Variants in AURKAIP1 observed in about 807,000 individuals in gnomAD.
The protein encoded by AURKAIP1 is small ribosomal subunit protein bS22, mitochondrial.
AURKAIP1 carries 20 observed loss-of-function variants against 18.4 expected under a neutral mutation model. That is an observed-to-expected ratio of 1.09 (90% CI 0.77 to 1.58). The LOEUF is 1.58. Among genes scored for constraint, AURKAIP1 ranks in the 40% most tolerant of loss-of-function variants. The probability of loss-of-function intolerance (pLI) is 0.00; values close to 1 mark genes in which losing one functional copy is unlikely to be tolerated. For synonymous variants in AURKAIP1, 156 were observed against 120.8 expected, an observed-to-expected ratio of 1.29 and a Z score of -1.91; for missense variants, 319 against 270.7, an observed-to-expected ratio of 1.18 and a Z score of -1.25.
Position 1,374,739 on chromosome 1 carries a change from C to A in AURKAIP1, c.18G>T (p.Leu6=). The A allele has an allele frequency of 6.4e-7, 1 of 1,560,256 alleles. No homozygotes were observed. The highest frequency in any genetic ancestry group is 1.2e-5 in the South Asian group (1 of 84,732). ...GAACGGCCCTCAACAGCTGGGAAGTCAGGCGCCCCAGGAGCATGGTCTGTG... is the reference window on the plus strand; with the variant it reads ...GAACGGCCCTCAACAGCTGGGAAGTAAGGCGCCCCAGGAGCATGGTCTGTG... MLLGR[L]TSQLLRAVPW... The change falls in exon 2 of 4, where the codon CTG becomes CTT. Residue 6 remains leucine, a synonymous_variant. Transcript: ENST00000338338.
intron 3 of AURKAIP1, 26 bp from the exon 4 acceptor site, chr1:1,373,928 C>A: frequency 6.2e-7 from 1 of 1,609,080 alleles, no homozygotes; most frequent in Admixed American, 1.7e-5. Context: ...AGAGGGACCG[C>A]CAAGTAATTC....
In AURKAIP1 at chr1:1,374,885, C is replaced by T; in HGVS notation, c.-34-95G>A. On this transcript the variant is annotated intron_variant, in intron 1 of 3. Coordinates refer to ENST00000338338, the MANE Select transcript of AURKAIP1 (RefSeq NM_017900.3). ...GCGTCTGGTCCCGCCGCGACCCTCG[C>T]TTCCCTTCTCCCTCCGCCACCCCAA... 4 of 803,062 alleles carry T rather than the reference C, an allele frequency of 5.0e-6. No individual in the cohort carries two copies. The South Asian group carries it at 7.5e-5, about 15-fold the overall frequency. 49.7% of individuals were successfully genotyped at this position (803,062 alleles called of 1,614,324 possible). A position where few individuals can be genotyped will look rare whatever the true frequency, so the allele number is the denominator to read the frequency against.
Position 1,374,771 on chromosome 1 carries a change from G to A in AURKAIP1, c.-15C>T, listed in dbSNP as rs1326887573. 4 of 1,553,646 alleles carry A rather than the reference G, an allele frequency of 2.6e-6. No homozygotes were observed. Among genetic ancestry groups the A allele is most frequent in the African/African-American group, 2.7e-5 (2 of 73,096 alleles). On this transcript the variant is annotated 5_prime_UTR_variant, in exon 2 of 4. Coordinates refer to ENST00000338338, the MANE Select transcript of AURKAIP1 (RefSeq NM_017900.3). ...CCCAGGAGCATGGTCTGTGGGCGGC[G>A]GCCACAGGTCCCAGGGGAGCTGGAA...
chr1:1,375,028 C>G (rs1644335284), intron 1 of AURKAIP1, 126 bp downstream of exon 1: 1 of 404,148 alleles, frequency 2.5e-6, no homozygotes, highest in Non-Finnish European at 4.5e-6. Context: ...GGCCGGCCCC[C>G]TCCCCGGGTT....
In AURKAIP1 at chr1:1,374,789, A is replaced by C. The variant is rs1262521184; in HGVS notation, c.-33T>G. On this transcript the variant is annotated splice_region_variant and 5_prime_UTR_variant, in exon 2 of 4. Transcript: ENST00000338338. Reference sequence around the variant, plus strand: ...GGGCGGCGGCCACAGGTCCCAGGGGAGCTGGAACACAAGTGCCCGTTCAGG... The same window carrying C: ...GGGCGGCGGCCACAGGTCCCAGGGGCGCTGGAACACAAGTGCCCGTTCAGG... 6.5e-7 allele frequency: 1 copy of C among 1,547,522 alleles called. No homozygotes were observed. The highest frequency in any genetic ancestry group is 8.7e-7 in the Non-Finnish European group (1 of 1,145,502).
rs1644337608 is a variant in AURKAIP1, at chr1:1,375,201, C to T, written c.-82G>A. The T allele has an allele frequency of 6.3e-6, 1 of 159,090 alleles. No individual in the cohort carries two copies. Among genetic ancestry groups the T allele is most frequent in the South Asian group, 1.5e-4 (1 of 6,608 alleles). 9.9% of individuals were successfully genotyped at this position (159,090 alleles called of 1,614,324 possible). ...GTTCTGCGGCCGCCCTCGGGCACTTCCGGTCCGTCCCCAAGTCGGCCCCGA... is the reference window on the plus strand; with the variant it reads ...GTTCTGCGGCCGCCCTCGGGCACTTTCGGTCCGTCCCCAAGTCGGCCCCGA... On this transcript the variant is annotated 5_prime_UTR_variant, in exon 1 of 4. Transcript: ENST00000338338.
intron 2 of AURKAIP1, 37 bp downstream of exon 2, chr1:1,374,668 T>C: frequency 6.5e-7 from 1 of 1,545,892 alleles, no homozygotes; most frequent in Non-Finnish European, 8.8e-7. Flanking sequence ...CCTAACCAGG[T>C]GTGCATCCTC....
rs768888780 is a variant in AURKAIP1 at position 1,373,843 on chromosome 1, G to A, written c.558C>T (p.Pro186=). Residue 186 remains proline, a synonymous_variant, in exon 4 of 4, where the codon CCC becomes CCT. Coordinates refer to ENST00000338338, the MANE Select transcript of AURKAIP1 (RefSeq NM_017900.3). The stretch of plus-strand genomic sequence containing the variant: ...AGATCTTGGGGGTCTGCCAGCCTTC[G>A]GGGGCTTCCTTTAGCCCCGCCTTCA... ...IWLKAGLKEA[P]EGWQTPKIYL... is the part of the protein sequence containing the mutation. 15 of 1,602,372 alleles carry A rather than the reference G, an allele frequency of 9.4e-6. No individual in the cohort carries two copies. Among genetic ancestry groups the A allele is most frequent in the Admixed American group, 6.7e-5 (4 of 59,726 alleles).
chr1:1,374,989 G>T (rs934649083), intron 1 of AURKAIP1, 165 bp downstream of exon 1: 2 of 496,406 alleles, frequency 4.0e-6, no homozygotes, highest in Non-Finnish European at 7.1e-6. Context: ...TGTCGCGCTC[G>T]GACGCACCGA....
In AURKAIP1 at chr1:1,374,017, G is replaced by A. The variant is rs1473867154; in HGVS notation, c.481C>T (p.Arg161Cys). 6 of 1,608,528 alleles carry A rather than the reference G, an allele frequency of 3.7e-6. No homozygotes were observed. The highest frequency in any genetic ancestry group is 2.2e-5 in the East Asian group (1 of 44,844). Residue 161 changes from arginine to cysteine, a missense_variant, in exon 3 of 4, where the codon CGC becomes TGC. Arg to Cys is a radical substitution (Grantham distance 180). Coordinates refer to ENST00000338338, the MANE Select transcript of AURKAIP1 (RefSeq NM_017900.3). ...CCACTCACCTGCTTGCGTCTCAGGC[G>A]TCCCTCCTGGACCTTCCTCCGCAGG... ...RFLRRKVQEG[R>C]LRRKQIKFEK...
chr1:1,374,862 G>T, intron 1 of AURKAIP1, 72 bp from the exon 2 acceptor site: 4 of 1,039,812 alleles, frequency 3.8e-6, no homozygotes, highest in Non-Finnish European at 5.5e-6. Flanking sequence ...GGACTGGGGC[G>T]TCTGGTCCCG....
At chr1:1,374,815 T>G in intron 1 of AURKAIP1, 25 bp from the exon 2 acceptor site, 1 of 1,505,336 alleles carries the variant, frequency 6.6e-7, no homozygotes, top group Non-Finnish European at 9.0e-7. Flanking sequence ...CCCGTTCAGG[T>G]CAGGCGGCAG....
Position 1,373,747 on chromosome 1 carries a change from A to C in AURKAIP1, c.*54T>G. 1 of 1,502,626 alleles carries C rather than the reference A, an allele frequency of 6.7e-7. No individual in the cohort carries two copies. The highest frequency in any genetic ancestry group is 2.3e-5 in the East Asian group (1 of 43,960). 93.1% of individuals were successfully genotyped at this position (1,502,626 alleles called of 1,614,324 possible). A position where few individuals can be genotyped will look rare whatever the true frequency, so the allele number is the denominator to read the frequency against. ...CCCGCAGGAAAGGCTGAGTCCTCTG[A>C]GAATTTATTACTACGGATCACAGCA... On this transcript the variant is annotated 3_prime_UTR_variant, in exon 4 of 4. Coordinates refer to ENST00000338338, the MANE Select transcript of AURKAIP1 (RefSeq NM_017900.3).
At position 1,374,725 on chromosome 1, in the gene AURKAIP1, A is replaced by G. The variant is rs1644331306; in HGVS notation, c.32T>C (p.Leu11Ser). The G allele has an allele frequency of 1.9e-6, 3 of 1,561,024 alleles. No homozygotes were observed. The highest frequency in any genetic ancestry group is 2.6e-6 in the Non-Finnish European group (3 of 1,153,006). ...CCTACCTGCCCAAGGAACGGCCCTC[A>G]ACAGCTGGGAAGTCAGGCGCCCCAG... MLLGRLTSQL[L>S]RAVPWAGGRP... The change falls in exon 2 of 4, where the codon TTG becomes TCG. Residue 11 changes from leucine to serine, a missense_variant. Physicochemically the swap from Leu to Ser is moderately radical, Grantham distance 145 (BLOSUM62 -2). Transcript: ENST00000338338.
intron 2 of AURKAIP1, 71 bp downstream of exon 2, chr1:1,374,633 CA>C: frequency 6.7e-7 from 1 of 1,499,880 alleles, no homozygotes; most frequent in South Asian, 1.2e-5. Context: ...GGCCCTGCCC[CA>C]GCGGAGCTGC....
rs1212879797 is a variant in AURKAIP1, at chr1:1,373,839, C to T, written c.562G>A (p.Gly188Ser). 3 of 1,604,054 alleles carry T rather than the reference C, an allele frequency of 1.9e-6. No homozygotes were observed. Among genetic ancestry groups the T allele is most frequent in the East Asian group, 4.5e-5 (2 of 44,884 alleles). The change falls in exon 4 of 4, where the codon GGC (glycine) becomes AGC (serine). Residue 188 changes from glycine to serine, a missense_variant. Gly to Ser is a moderately conservative substitution (Grantham distance 56). Coordinates refer to ENST00000338338, the MANE Select transcript of AURKAIP1 (RefSeq NM_017900.3). ...LKAGLKEAPE[G>S]WQTPKIYLRG... ...AGGTAGATCTTGGGGGTCTGCCAGC[C>T]TTCGGGGGCTTCCTTTAGCCCCGCC... is the stretch of plus-strand genomic sequence containing the variant.
At chr1:1,373,938 C>T (rs1293233275) in intron 3 of AURKAIP1, 36 bp from the exon 4 acceptor site, 2 of 1,608,828 alleles carry the variant, frequency 1.2e-6, no homozygotes, top group Non-Finnish European at 1.7e-6. Flanking sequence ...CCAAGTAATT[C>T]GTGGCAAAGA....
At position 1,374,802 on chromosome 1, in the gene AURKAIP1, G is replaced by A. The variant is rs1397474475; in HGVS notation, c.-34-12C>T. On this transcript the variant is annotated splice_polypyrimidine_tract_variant and intron_variant, in intron 1 of 3. Transcript: ENST00000338338. ...AGGTCCCAGGGGAGCTGGAACACAA[G>A]TGCCCGTTCAGGTCAGGCGGCAGCG... The A allele has an allele frequency of 1.2e-5, 18 of 1,538,360 alleles. No homozygotes were observed. Among genetic ancestry groups the A allele is most frequent in the Non-Finnish European group, 1.6e-5 (18 of 1,139,188 alleles).
chr1:1,374,685 G>GC lies in AURKAIP1; in HGVS notation c.52+19dup. 6.4e-7 allele frequency: 1 copy of GC among 1,553,706 alleles called. No individual in the cohort carries two copies. On this transcript the variant is annotated intron_variant, in intron 2 of 3. Transcript: ENST00000338338. The stretch of plus-strand genomic sequence containing the variant: ...TAACCAGGTGTGCATCCTCCCATCC[G>GC]CCCCCGCGCGGCTTCCTACCTGCCC...
Sources: gnomAD v4.1 joint callset for allele counts on GRCh38, gnomAD v4.1.1 for gene constraint, MANE v1.5 for transcripts, NCBI Gene and HGNC (gene_info 2026-07-23, HGNC 2026-07-21) for gene names.